Variants in ARHGEF4 observed in about 807,000 individuals in gnomAD.
ARHGEF4 encodes APC-stimulated guanine nucleotide exchange factor 1.
A neutral mutation model predicts 162.0 loss-of-function variants in ARHGEF4; 119 were observed. That is an observed-to-expected ratio of 0.73 (90% CI 0.63 to 0.86). ARHGEF4 has a LOEUF of 0.86. Ranked by LOEUF, ARHGEF4 falls within the 40% of genes least tolerant of loss-of-function variation. ARHGEF4 has a pLI of 0.00. For missense variants in ARHGEF4, 2,488 were observed against 2,456.0 expected, an observed-to-expected ratio of 1.01 and a Z score of -0.28; for synonymous variants, 1,014 against 979.9, an observed-to-expected ratio of 1.03 and a Z score of -0.65.
At chr2:130,941,171 G>C (rs1025784436) in intron 3 of ARHGEF4, among the ~76,000 whole-genome samples, 2 of 151,758 alleles carry the variant, frequency 1.3e-5, no homozygotes, top group Non-Finnish European at 2.9e-5. Context: ...GCAGGGGTTA[G>C]GGGTACCAAC....
At chr2:130,871,102 G>T (rs1678448709) in intron 1 of ARHGEF4, among the ~76,000 whole-genome samples, 1 of 152,286 alleles carries the variant, frequency 6.6e-6, no homozygotes, top group African/African-American at 2.4e-5. Context: ...GCCTCTGGGG[G>T]GCATAAAGGG....
intron 4 of ARHGEF4, among the ~76,000 whole-genome samples, chr2:130,988,182 C>T (rs112890485): frequency 0.034 from 5,103 of 152,296 alleles, 229 homozygotes; most frequent in African/African-American, 0.11. Context: ...GTGGCTCTGT[C>T]GGTGCCCGGT....
intron 5 of ARHGEF4, 65 bp downstream of exon 5, chr2:131,028,149 G>A (rs914387341): frequency 2.3e-5 from 37 of 1,581,194 alleles, no homozygotes; most frequent in African/African-American, 2.2e-4. Flanking sequence ...ATTCCAGCAC[G>A]CTAATGCAGG....
chr2:131,012,083 T>C (rs1246832961), intron 4 of ARHGEF4, among the ~76,000 whole-genome samples: 1 of 152,184 alleles, frequency 6.6e-6, no homozygotes, highest in African/African-American at 2.4e-5. Flanking sequence ...AATGCAGTTG[T>C]CTGCTACTGA....
intron 1 of ARHGEF4, among the ~76,000 whole-genome samples, chr2:130,879,294 G>C (rs1238725452): frequency 6.6e-6 from 1 of 152,044 alleles, no homozygotes; most frequent in Non-Finnish European, 1.5e-5. Flanking sequence ...TCTTTTACAG[G>C]AGATTTTTTT....
In ARHGEF4 at chr2:130,996,667, G is replaced by A. The variant is rs116829281; in HGVS notation, c.3986-31278G>A. ...ATTTTGGTGGATGCCTATCCAGGAA[G>A]AGACTGCTGGGCCTTAGAGAATACC... On this transcript the variant is annotated intron_variant, in intron 4 of 13. Transcript: ENST00000409359. 2.1e-3 allele frequency among the ~76,000 whole-genome samples: 318 copies of A among 152,276 alleles called. 1 individual carries two copies. Among genetic ancestry groups the A allele is most frequent in the African/African-American group, 6.3e-3 (262 of 41,544 alleles).
At chr2:131,045,758 C>T in intron 13 of ARHGEF4, 1 of 1,428,800 alleles carries the variant, frequency 7.0e-7, no homozygotes, top group South Asian at 1.5e-5. Flanking sequence ...GCTGCTTTCC[C>T]CATTTCTACA....
intron 1 of ARHGEF4, among the ~76,000 whole-genome samples, chr2:130,884,630 A>T (rs1002420418): frequency 6.6e-6 from 1 of 152,136 alleles, no homozygotes; most frequent in Non-Finnish European, 1.5e-5. Context: ...CTGAGCGTTC[A>T]TCCTCTGCTG....
At chr2:131,001,688 T>G (rs747843782) in intron 4 of ARHGEF4, among the ~76,000 whole-genome samples, 2 of 152,168 alleles carry the variant, frequency 1.3e-5, no homozygotes, top group Non-Finnish European at 2.9e-5. Flanking sequence ...AGCAGGCAGC[T>G]GTGTGCTGAG....
chr2:130,844,611 G>T (rs1230485087), intron 1 of ARHGEF4, among the ~76,000 whole-genome samples: 2 of 152,108 alleles, frequency 1.3e-5, no homozygotes, highest in Non-Finnish European at 2.9e-5. Flanking sequence ...TCTTCCCAGG[G>T]TCCCTTTGTG....
chr2:131,040,958 G>C (rs1322674864), intron 8 of ARHGEF4, among the ~76,000 whole-genome samples: 1 of 151,976 alleles, frequency 6.6e-6, no homozygotes, highest in African/African-American at 2.4e-5. Context: ...CGCCGCTTTT[G>C]GCATTGTTAT....
intron 1 of ARHGEF4, among the ~76,000 whole-genome samples, chr2:130,905,598 A>G (rs565448064): frequency 6.6e-6 from 1 of 151,516 alleles, no homozygotes; most frequent in East Asian, 2.0e-4. Context: ...AGCCCCCCCA[A>G]CTTATCCACC....
At chr2:130,900,892 A>G (rs1252672485) in intron 1 of ARHGEF4, among the ~76,000 whole-genome samples, 1 of 152,132 alleles carries the variant, frequency 6.6e-6, no homozygotes. Flanking sequence ...TTCTAGTGAC[A>G]GTTTAGTTTT....
rs373925132 is a variant in ARHGEF4 at position 130,995,243 on chromosome 2, TC to T, written c.3986-32701del. 4.0e-4 allele frequency among the ~76,000 whole-genome samples: 61 copies of T among 152,366 alleles called. 1 individual carries two copies. The highest frequency in any genetic ancestry group is 1.4e-3 in the African/African-American group (57 of 41,584). The stretch of plus-strand genomic sequence containing the variant: ...CTGTCCTTTTGTCTCTGTCTGTTTT[TC>T]TCTGAATCTTTCTGTCTGACCTCTC... On this transcript the variant is annotated intron_variant, in intron 4 of 13. Transcript: ENST00000409359.
At chr2:130,991,144 A>G (rs1686926993) in intron 4 of ARHGEF4, among the ~76,000 whole-genome samples, 2 of 152,264 alleles carry the variant, frequency 1.3e-5, no homozygotes, top group South Asian at 4.1e-4. Context: ...TGTGCCACTC[A>G]TGATGGTGTG....
chr2:131,016,463 C>T (rs1261427028), intron 4 of ARHGEF4, among the ~76,000 whole-genome samples: 4 of 152,240 alleles, frequency 2.6e-5, no homozygotes, highest in Non-Finnish European at 5.9e-5. Context: ...CTGCACCCTG[C>T]CCAGTGCCCC....
At chr2:131,039,995 C>T in intron 6 of ARHGEF4, 21 bp from the exon 7 acceptor site, 2 of 1,549,236 alleles carry the variant, frequency 1.3e-6, no homozygotes, top group East Asian at 4.9e-5. Context: ...GGGGCACTGA[C>T]CGGCCACGCA....
At chr2:131,009,786 GT>G (rs1419142715) in intron 4 of ARHGEF4, among the ~76,000 whole-genome samples, 4 of 152,122 alleles carry the variant, frequency 2.6e-5, no homozygotes, top group African/African-American at 9.7e-5. Context: ...TATTATAATA[GT>G]TTATCTGTTG....
rs1386435932 is a variant in ARHGEF4 at position 130,836,919 on chromosome 2, G to T, written c.-35G>T. The T allele has an allele frequency of 8.2e-7, 1 of 1,222,314 alleles. No individual in the cohort carries two copies. The highest frequency in any genetic ancestry group is 1.0e-6 in the Non-Finnish European group (1 of 981,760). 75.7% of individuals were successfully genotyped at this position (1,222,314 alleles called of 1,614,324 possible). A position where few individuals can be genotyped will look rare whatever the true frequency, so the allele number is the denominator to read the frequency against. ...CCGGCTCGGCGGCGCGGCTCGTAGT[G>T]CTGCGGCCGGGCTCCGGGCGTCCCG... On this transcript the variant is annotated 5_prime_UTR_variant, in exon 1 of 14. Transcript: ENST00000409359.
Sources: gnomAD v4.1 joint callset for allele counts (sites outside exome capture counted in the v4.1 genomes callset) on GRCh38, gnomAD v4.1.1 for gene constraint, MANE v1.5 for transcripts, NCBI Gene and HGNC (gene_info 2026-07-23, HGNC 2026-07-21) for gene names.